The following ZBTB38 variants were observed in gnomAD, a reference collection of about 807,000 sequenced individuals.
ZBTB38 encodes zinc finger and BTB domain-containing protein 38.
Under a neutral mutation model 76.8 loss-of-function variants are expected in ZBTB38, and 20 were observed. The observed-to-expected ratio is 0.26, with a 90% CI of 0.18 to 0.38. The LOEUF (loss-of-function observed/expected upper bound fraction) is 0.38, where lower values mean the gene tolerates loss of function less well. Among genes scored for constraint, ZBTB38 ranks in the 10% least tolerant of loss-of-function variants. ZBTB38 has a pLI of 1.00. For synonymous variants in ZBTB38, 504 were observed against 544.2 expected, an observed-to-expected ratio of 0.93 and a Z score of 1.03; for missense variants, 1,082 against 1,482.3, an observed-to-expected ratio of 0.73 and a Z score of 4.43.
intron 2 of ZBTB38, among the ~76,000 whole-genome samples, chr3:141,371,110 C>T (rs1452238974): frequency 4.2e-5 from 5 of 118,946 alleles, no homozygotes; most frequent in African/African-American, 6.7e-5. Flanking sequence ...TGGAGTGCAT[C>T]GGCATGATCT....
chr3:141,438,809 TC>T (rs1480508956), intron 5 of ZBTB38, among the ~76,000 whole-genome samples: 1 of 152,114 alleles, frequency 6.6e-6, no homozygotes, highest in African/African-American at 2.4e-5. Flanking sequence ...GTCTGACCCT[TC>T]TTTCCCAAGC....
chr3:141,387,286 A>T (rs1443782210), intron 4 of ZBTB38: 1 of 151,526 alleles, frequency 6.6e-6, no homozygotes, highest in Non-Finnish European at 1.5e-5. Flanking sequence ...CCCCCCACAA[A>T]CCCTAAAAAC....
chr3:141,374,635 T>C (rs1945100612), intron 2 of ZBTB38, among the ~76,000 whole-genome samples: 2 of 152,082 alleles, frequency 1.3e-5, no homozygotes, highest in African/African-American at 2.4e-5. Flanking sequence ...AAAAAATACA[T>C]CAAAATGTTA....
At chr3:141,431,412 G>C (rs747598468) in intron 5 of ZBTB38, among the ~76,000 whole-genome samples, 1 of 149,442 alleles carries the variant, frequency 6.7e-6, no homozygotes, top group Admixed American at 6.7e-5. Flanking sequence ...TAGAGACACG[G>C]CACTCAAAAG....
At chr3:141,404,608 A>C (rs1471599179) in intron 5 of ZBTB38, among the ~76,000 whole-genome samples, 1 of 152,194 alleles carries the variant, frequency 6.6e-6, no homozygotes, top group Non-Finnish European at 1.5e-5. Flanking sequence ...GACAATAACA[A>C]CTACCATTTG....
chr3:141,432,152 G>C, intron 5 of ZBTB38: 1 of 985,464 alleles, frequency 1.0e-6, no homozygotes, highest in Non-Finnish European at 1.2e-6. Context: ...CTTTCCGCAG[G>C]GAATAACAGA....
At chr3:141,324,447 A>G (rs1438888817) in exon 1 of ZBTB38, 5 of 152,224 alleles carry the variant, frequency 3.3e-5, no homozygotes, top group Non-Finnish European at 7.3e-5. Context: ...TTACTCTGCA[A>G]CAGCTAAAGG....
At position 141,442,696 on chromosome 3, in the gene ZBTB38, C is replaced by T. The variant is rs779812724; in HGVS notation, c.308C>T (p.Thr103Ile). The change falls in exon 6 of 6, where the codon ACA becomes ATA. Residue 103 changes from threonine to isoleucine, a missense_variant. Physicochemically the swap from Thr to Ile is moderately conservative, Grantham distance 89 (BLOSUM62 -1). Around this residue, in one of 8 missense-constraint regions of ZBTB38, gnomAD observed 68 missense variants for 153.0 expected, o/e 0.44. Transcript: ENST00000321464. This position sits in a 1 kb window ranked among gnomAD's most constrained non-coding sequence, Gnocchi z 6.4. The part of the protein sequence containing the change: ...SSTVVVKRQE[T>I]VTDLAAAGKK... The stretch of plus-strand genomic sequence containing the variant: ...ACAGTCGTTGTCAAGAGACAGGAAA[C>T]AGTCACTGATCTCGCAGCTGCAGGA... 6.2e-7 allele frequency: 1 copy of T among 1,614,184 alleles called. No individual in the cohort carries two copies. Among genetic ancestry groups the T allele is most frequent in the South Asian group, 1.1e-5 (1 of 91,078 alleles).
chr3:141,369,700 G>T (rs927152829), intron 1 of ZBTB38, among the ~76,000 whole-genome samples, 172 bp from the exon 2 acceptor site: 2 of 152,172 alleles, frequency 1.3e-5, no homozygotes, highest in Non-Finnish European at 2.9e-5. Flanking sequence ...GACTGGGAGC[G>T]GGGAGGCGTA....
intron 1 of ZBTB38, among the ~76,000 whole-genome samples, chr3:141,346,782 T>TTTTGTGTGTG (rs150173767): frequency 0.014 from 1,971 of 144,660 alleles, 37 homozygotes; most frequent in Non-Finnish European, 0.016. Context: ...TTGTTTTGTT[T>TTTTGTGTGTG]TGTGTGTGTG....
intron 5 of ZBTB38, among the ~76,000 whole-genome samples, chr3:141,406,395 A>C (rs1265299058): frequency 6.6e-6 from 1 of 152,234 alleles, no homozygotes; most frequent in Non-Finnish European, 1.5e-5. Flanking sequence ...ATAGATGCAA[A>C]GGGAAGAACT....
intron 1 of ZBTB38, among the ~76,000 whole-genome samples, chr3:141,331,495 T>C (rs1474755870): frequency 6.6e-6 from 1 of 152,230 alleles, no homozygotes; most frequent in African/African-American, 2.4e-5. Context: ...TGTACAGCAC[T>C]GATGTTTATG....
Position 141,444,780 on chromosome 3 carries a change from C to A in ZBTB38, c.2392C>A (p.Pro798Thr). 1.2e-6 allele frequency: 2 copies of A among 1,614,118 alleles called. No homozygotes were observed. ...GGAGGAGTCAAACTATGTTGCTGAT[C>A]CTGGAGGATCACTGAGCAAAACCAC... is the stretch of plus-strand genomic sequence containing the variant. ...IPEESNYVAD[P>T]GGSLSKTTNI... Residue 798 changes from proline (P) to threonine (T), a missense_variant, in exon 6 of 6, where the codon CCT becomes ACT. Around this residue, in one of 8 missense-constraint regions of ZBTB38, gnomAD observed 471 missense variants for 581.0 expected, o/e 0.81. Transcript: ENST00000321464. The surrounding 1 kb of genome is among the most constrained non-coding windows in gnomAD (Gnocchi z 5.1).
chr3:141,401,841 C>A (rs543966854), intron 4 of ZBTB38, among the ~76,000 whole-genome samples: 2 of 152,184 alleles, frequency 1.3e-5, no homozygotes, highest in African/African-American at 2.4e-5. Flanking sequence ...GGGTCTTTTG[C>A]GTGAAATAGT....
intron 5 of ZBTB38, among the ~76,000 whole-genome samples, chr3:141,405,235 T>C (rs1434609129): frequency 3.3e-5 from 5 of 152,238 alleles, no homozygotes; most frequent in African/African-American, 1.2e-4. Context: ...GTTGTTCAAC[T>C]GTTAGCAATT....
At chr3:141,415,726 C>G (rs73872716) in intron 5 of ZBTB38, among the ~76,000 whole-genome samples, 8,476 of 152,026 alleles carry the variant, frequency 0.056, 323 homozygotes, top group African/African-American at 0.11. Context: ...CCTTTTAAGC[C>G]CTGCTGTAGA....
intron 5 of ZBTB38, among the ~76,000 whole-genome samples, chr3:141,439,075 C>T (rs955792073): frequency 2.0e-5 from 3 of 151,284 alleles, no homozygotes; most frequent in African/African-American, 7.3e-5. Context: ...AATAATTGTA[C>T]TTACTCTTCT....
intron 5 of ZBTB38, among the ~76,000 whole-genome samples, chr3:141,418,080 A>T (rs1274870430): frequency 1.3e-5 from 2 of 152,096 alleles, no homozygotes; most frequent in Non-Finnish European, 2.9e-5. Flanking sequence ...ACACATCAGA[A>T]TCTTGAATTG....
intron 4 of ZBTB38, among the ~76,000 whole-genome samples, chr3:141,399,385 A>C (rs1247837091): frequency 6.6e-6 from 1 of 152,192 alleles, no homozygotes; most frequent in African/African-American, 2.4e-5. Context: ...TGGGAAGTTG[A>C]CACCTCTATT....
Sources: gnomAD v4.1 joint callset for allele counts (sites outside exome capture counted in the v4.1 genomes callset) on GRCh38, gnomAD v4.1.1 for gene constraint, gnomAD v4.1.1 regional missense constraint, Gnocchi (gnomAD v3.1) non-coding constraint, MANE v1.5 for transcripts, NCBI Gene and HGNC (gene_info 2026-07-23, HGNC 2026-07-21) for gene names.